Variants in ANK2 observed in about 807,000 individuals in gnomAD.
ANK2 encodes the protein ankyrin-2.
Under a neutral mutation model 360.5 loss-of-function variants are expected in ANK2, and 83 were observed. That is an observed-to-expected ratio of 0.23 (90% confidence interval 0.19 to 0.28). The LOEUF (loss-of-function observed/expected upper bound fraction) is 0.28. ANK2 is among the 10% of genes least tolerant of loss of function. The pLI is 1.00. For missense variants in ANK2, 4,201 were observed against 4,795.7 expected, an observed-to-expected ratio of 0.88 and a Z score of 3.66; for synonymous variants, 1,740 against 1,759.5, an observed-to-expected ratio of 0.99 and a Z score of 0.28.
intron 1 of ANK2, among the ~76,000 whole-genome samples, chr4:112,826,150 T>G (rs1460124811): frequency 6.6e-6 from 1 of 152,234 alleles, no homozygotes; most frequent in Non-Finnish European, 1.5e-5. Context: ...CTTCGTTTAT[T>G]TAGGGACATT....
In ANK2 at chr4:113,113,357, G is replaced by T. The variant is rs150581655; in HGVS notation, c.85-61059G>T. On this transcript the variant is annotated intron_variant, in intron 1 of 45. Transcript: ENST00000357077. ...GGAAAGTGAAGGGGGAGATTAAGTT[G>T]CATGTGGCTAGCTCAGTTGTTATTA... Among the ~76,000 whole-genome samples the T allele has an allele frequency of 1.3e-3, 200 of 152,268 alleles. 1 individual carries two copies. Among genetic ancestry groups the T allele is most frequent in the African/African-American group, 3.8e-3 (156 of 41,552 alleles).
chr4:112,768,454 A>G, the ANK2 span, among the ~76,000 whole-genome samples: 2 of 151,922 alleles, frequency 1.3e-5, no homozygotes, highest in East Asian at 1.9e-4. Context: ...GAGTTTCACC[A>G]TGTTGCCCAG....
At chr4:112,802,788 G>A in the ANK2 span, among the ~76,000 whole-genome samples, 11 of 152,170 alleles carry the variant, frequency 7.2e-5, no homozygotes, top group African/African-American at 1.2e-4. Context: ...AAACAAAAAC[G>A]ATACGCCTCA....
At chr4:112,746,231 T>C in the ANK2 span, among the ~76,000 whole-genome samples, 1 of 152,312 alleles carries the variant, frequency 6.6e-6, no homozygotes, top group African/African-American at 2.4e-5. Context: ...TATATTAATC[T>C]TGAGTAATTT....
At chr4:113,198,867 C>A in intron 3 of ANK2, 144 bp from the exon 4 acceptor site, 2 of 665,206 alleles carry the variant, frequency 3.0e-6, no homozygotes. Flanking sequence ...AAAAAATAAT[C>A]TCTTCGTAAG....
chr4:113,158,458 G>A (rs1462561799), intron 1 of ANK2, among the ~76,000 whole-genome samples: 4 of 151,874 alleles, frequency 2.6e-5, no homozygotes, highest in Admixed American at 2.0e-4. Context: ...TGTTATCAGT[G>A]GAGGAAACTC....
rs1473559216 is a variant in ANK2 at position 113,356,130 on chromosome 4, T to C, written c.7512T>C (p.Ser2504=). ...CAGAACTCTTGACGGAAGTGGCCTC[T>C]GTGCGGTCCCGGCTACTCCGAGACC... The part of the protein sequence containing the change: ...AKTELLTEVA[S]VRSRLLRDPD... The change falls in exon 38 of 46, where the codon TCT becomes TCC. Residue 2504 remains serine, a synonymous_variant. Coordinates refer to ENST00000357077, the MANE Select transcript of ANK2 (RefSeq NM_001148.6). 1.9e-6 allele frequency: 3 copies of C among 1,614,102 alleles called. No individual in the cohort carries two copies. The highest frequency in any genetic ancestry group is 1.7e-6 in the Non-Finnish European group (2 of 1,179,990).
intron 2 of ANK2, among the ~76,000 whole-genome samples, chr4:112,952,997 A>G (rs1256200876): frequency 6.6e-6 from 1 of 152,206 alleles, no homozygotes; most frequent in Admixed American, 6.5e-5. Context: ...AGTACCCAGG[A>G]TATGCCAAGC....
intron 1 of ANK2, among the ~76,000 whole-genome samples, chr4:112,820,526 A>G (rs550083862): frequency 6.6e-6 from 1 of 152,336 alleles, no homozygotes; most frequent in South Asian, 2.1e-4. Flanking sequence ...AATGCTGTGT[A>G]ATTATTAGCA....
chr4:113,222,219 A>G (rs1009654466), intron 4 of ANK2, among the ~76,000 whole-genome samples: 2 of 152,184 alleles, frequency 1.3e-5, no homozygotes, highest in Admixed American at 1.3e-4. Flanking sequence ...AAACTGGAAG[A>G]ATTCCTATGT....
intron 1 of ANK2, among the ~76,000 whole-genome samples, chr4:113,165,613 G>T (rs942199801): frequency 6.6e-6 from 1 of 152,122 alleles, no homozygotes; most frequent in African/African-American, 2.4e-5. Flanking sequence ...TCCACACCAA[G>T]AGGAACCAGT....
intron 1 of ANK2, among the ~76,000 whole-genome samples, chr4:113,135,509 CTG>C (rs2096348119): frequency 1.6e-5 from 2 of 122,226 alleles, no homozygotes; most frequent in African/African-American, 3.3e-5. Context: ...AACCATAGAG[CTG>C]TGTGTGTCTC....
chr4:112,972,305 G>T (rs2039809982), intron 2 of ANK2, among the ~76,000 whole-genome samples: 1 of 152,084 alleles, frequency 6.6e-6, no homozygotes, highest in Non-Finnish European at 1.5e-5. Context: ...TTTAAGCCCT[G>T]CATGCATTAG....
chr4:113,317,698 A>T lies in ANK2; in HGVS notation c.2694-9A>T, dbSNP rs2083654382. 2 of 1,611,746 alleles carry T rather than the reference A, an allele frequency of 1.2e-6. No individual in the cohort carries two copies. The highest frequency in any genetic ancestry group is 1.7e-6 in the Non-Finnish European group (2 of 1,178,166). ...TGGTATATGCCATGGCCTCCTGCCA[A>T]CCTACCAGCCTTCGATCCTTCAGTT... On this transcript the variant is annotated splice_polypyrimidine_tract_variant and intron_variant, in intron 24 of 45. Transcript: ENST00000357077.
At chr4:112,815,824 G>A (rs6853702), upstream of ANK2, among the ~76,000 whole-genome samples, 42,765 of 152,136 alleles carry the variant, frequency 0.28, 6,267 homozygotes, top group East Asian at 0.35. Flanking sequence ...CAAACACCAC[G>A]GGGACAGAAG....
chr4:112,873,567 C>T (rs1389681685), intron 1 of ANK2, among the ~76,000 whole-genome samples: 7 of 149,654 alleles, frequency 4.7e-5, no homozygotes, highest in South Asian at 2.1e-4. Context: ...GATGGAGTCC[C>T]GCTCTGTTGC....
the ANK2 span, among the ~76,000 whole-genome samples, chr4:112,711,092 G>A: frequency 6.6e-6 from 1 of 151,148 alleles, no homozygotes; most frequent in South Asian, 2.1e-4. Context: ...GCCTGGCCAG[G>A]CTTACATTTT....
intron 2 of ANK2, among the ~76,000 whole-genome samples, chr4:113,024,801 T>C (rs967784347): frequency 3.3e-5 from 5 of 152,188 alleles, no homozygotes; most frequent in Non-Finnish European, 5.9e-5. Context: ...ATGCGTTTGT[T>C]AGTCACAAAA....
At position 113,293,182 on chromosome 4, in the gene ANK2, G is replaced by A. The variant is rs1466840460; in HGVS notation, c.2377-258G>A. 3 of 614,050 alleles carry A rather than the reference G, an allele frequency of 4.9e-6. No individual in the cohort carries two copies. The African/African-American group carries it at 5.4e-5, about 11-fold the overall frequency. The allele number at this position is 614,050 out of a possible 1,614,324, so 38.0% of individuals were successfully genotyped here. ...TTGTAGAAGATATTTGACAACCTTA[G>A]GGTTAAAGCGTCAAGTGCTTCTTAT... On this transcript the variant is annotated intron_variant, in intron 21 of 45. Coordinates refer to ENST00000357077, the MANE Select transcript of ANK2 (RefSeq NM_001148.6).
Sources: allele counts gnomAD v4.1 joint callset (sites outside exome capture counted in the v4.1 genomes callset), GRCh38; gene constraint gnomAD v4.1.1; transcripts MANE v1.5; gene names NCBI Gene and HGNC (gene_info 2026-07-23, HGNC 2026-07-21).